SLCO1A2: variants seen among roughly 807,000 people sequenced by gnomAD.
SLCO1A2 encodes solute carrier organic anion transporter family member 1A2.
A neutral mutation model predicts 69.0 loss-of-function variants in SLCO1A2; 67 were observed. That is an observed-to-expected ratio of 0.97 (90% CI 0.80 to 1.19). The LOEUF (loss-of-function observed/expected upper bound fraction) is 1.19, where lower values mean the gene tolerates loss of function less well. SLCO1A2 is among the 50% of genes most tolerant of loss of function. SLCO1A2 has a pLI of 0.00. For synonymous variants in SLCO1A2, 260 were observed against 265.9 expected, an observed-to-expected ratio of 0.98 and a Z score of 0.22; for missense variants, 787 against 793.7, an observed-to-expected ratio of 0.99 and a Z score of 0.10.
At chr12:21,406,896 G>A (rs1437668778) in intron 1 of SLCO1A2, among the ~76,000 whole-genome samples, 2 of 152,118 alleles carry the variant, frequency 1.3e-5, no homozygotes, top group African/African-American at 4.8e-5. Context: ...TCAAAGCAGT[G>A]AAGAACCAAA....
intron 12 of SLCO1A2, among the ~76,000 whole-genome samples, chr12:21,290,007 C>CTG (rs1946583798): frequency 1.4e-5 from 2 of 145,108 alleles, no homozygotes; most frequent in Non-Finnish European, 3.0e-5. Context: ...TTGTTTTTCT[C>CTG]AGTGTGTGTG....
At chr12:21,341,666 T>C (rs1953072599) in intron 2 of SLCO1A2, among the ~76,000 whole-genome samples, 1 of 152,044 alleles carries the variant, frequency 6.6e-6, no homozygotes, top group African/African-American at 2.4e-5. Flanking sequence ...GAAATATTAG[T>C]TAGAGCTAGG....
intron 2 of SLCO1A2, among the ~76,000 whole-genome samples, chr12:21,361,131 C>A (rs184282184): frequency 6.6e-6 from 1 of 151,410 alleles, no homozygotes; most frequent in Admixed American, 6.6e-5. Context: ...TGGGAGGCAC[C>A]TCCCAGTAGG....
intron 1 of SLCO1A2, among the ~76,000 whole-genome samples, chr12:21,389,305 T>C (rs182563056): frequency 4.7e-4 from 72 of 152,346 alleles, no homozygotes; most frequent in African/African-American, 1.6e-3. Context: ...TATTACTGCC[T>C]ACACGTTTTT....
intron 12 of SLCO1A2, among the ~76,000 whole-genome samples, chr12:21,279,101 C>T (rs1362533295): frequency 6.6e-6 from 1 of 151,602 alleles, no homozygotes; most frequent in African/African-American, 2.4e-5. Flanking sequence ...CAGAATTTAT[C>T]AAGCAGAAGA....
intron 2 of SLCO1A2, chr12:21,319,264 C>T (rs1591838184): frequency 2.8e-6 from 3 of 1,090,342 alleles, no homozygotes; most frequent in Middle Eastern, 2.3e-4. Context: ...CAAAAGAATT[C>T]ATACATGTAC....
chr12:21,413,237 CTTTTTT>C (rs3983534), intron 1 of SLCO1A2, among the ~76,000 whole-genome samples: 104 of 99,470 alleles, frequency 1.0e-3, no homozygotes, highest in African/African-American at 3.7e-3. Context: ...TTTTCTTTTT[CTTTTTT>C]TTTTTTTTTT....
At chr12:21,358,668 C>T (rs946464079) in intron 2 of SLCO1A2, among the ~76,000 whole-genome samples, 1 of 151,476 alleles carries the variant, frequency 6.6e-6, no homozygotes, top group Non-Finnish European at 1.5e-5. Context: ...TAAAAATTAA[C>T]TTTGAAACAT....
chr12:21,299,776 A>ATATATATACACACG (rs1948339527), intron 8 of SLCO1A2, among the ~76,000 whole-genome samples: 1 of 111,030 alleles, frequency 9.0e-6, no homozygotes, highest in Admixed American at 8.2e-5. Flanking sequence ...GTGTGTATAT[A>ATATATATACACACG]TATATATATA....
intron 5 of SLCO1A2, among the ~76,000 whole-genome samples, chr12:21,304,921 A>C (rs1387277681): frequency 6.6e-6 from 1 of 152,198 alleles, no homozygotes. Flanking sequence ...AAAGAGATTC[A>C]GTTTCTCCAC....
intron 2 of SLCO1A2, among the ~76,000 whole-genome samples, chr12:21,327,197 TAAAGA>T (rs1952305630): frequency 1.3e-5 from 2 of 152,234 alleles, no homozygotes; most frequent in South Asian, 4.1e-4. Context: ...TGCATAAAAG[TAAAGA>T]ATTGAGGTTT....
chr12:21,387,297 G>A (rs1591907845), intron 1 of SLCO1A2, among the ~76,000 whole-genome samples: 2 of 152,292 alleles, frequency 1.3e-5, no homozygotes, highest in East Asian at 3.9e-4. Flanking sequence ...TAATCACCAA[G>A]ATGATGGAGA....
At chr12:21,270,981 C>A (rs1192717293) in intron 14 of SLCO1A2, among the ~76,000 whole-genome samples, 1 of 151,500 alleles carries the variant, frequency 6.6e-6, no homozygotes, top group Non-Finnish European at 1.5e-5. Flanking sequence ...CTATTTTTAT[C>A]TTTCTACTTC....
At position 21,392,740 on chromosome 12, in the gene SLCO1A2, G is replaced by C. The variant is rs570700624; in HGVS notation, c.-190+2166C>G. ...CAAGTTCCCTAGGTGGTCTAAAATA[G>C]GTTCTCCAAACCAAGGTATATGAAT... On this transcript the variant is annotated intron_variant, in intron 1 of 15. Transcript: ENST00000307378. Among the ~76,000 whole-genome samples the C allele has an allele frequency of 5.3e-5, 8 of 152,204 alleles. 1 individual carries two copies. The highest frequency in any genetic ancestry group is 3.9e-4 in the Admixed American group (6 of 15,272).
At chr12:21,309,015 T>C (rs1234688891) in intron 4 of SLCO1A2, among the ~76,000 whole-genome samples, 2 of 152,116 alleles carry the variant, frequency 1.3e-5, no homozygotes, top group Non-Finnish European at 2.9e-5. Flanking sequence ...TGGGAAGAGA[T>C]AATGCATTCT....
At chr12:21,314,458 T>A (rs976921246) in intron 4 of SLCO1A2, 91 bp downstream of exon 4, 1 of 1,387,742 alleles carries the variant, frequency 7.2e-7, no homozygotes, top group African/African-American at 1.4e-5. Context: ...CCCTATGCTG[T>A]TGGAAAGCAT....
chr12:21,322,268 A>G (rs1428239981), intron 2 of SLCO1A2, among the ~76,000 whole-genome samples: 1 of 149,724 alleles, frequency 6.7e-6, no homozygotes, highest in Non-Finnish European at 1.5e-5. Flanking sequence ...ACCCAAAAGT[A>G]TCTGAGACAG....
upstream of SLCO1A2, among the ~76,000 whole-genome samples, chr12:21,396,610 G>T (rs1274199234): frequency 6.6e-6 from 1 of 151,770 alleles, no homozygotes; most frequent in Admixed American, 6.6e-5. Context: ...AAATGTTAAG[G>T]GCAGCCAGAG....
At chr12:21,345,765 C>A (rs1440288008) in intron 2 of SLCO1A2, among the ~76,000 whole-genome samples, 1 of 152,004 alleles carries the variant, frequency 6.6e-6, no homozygotes, top group African/African-American at 2.4e-5. Flanking sequence ...AAGTGACAAA[C>A]TTGCCAAATT....
Sources: allele counts gnomAD v4.1 joint callset (sites outside exome capture counted in the v4.1 genomes callset), GRCh38; gene constraint gnomAD v4.1.1; transcripts MANE v1.5; gene names NCBI Gene and HGNC (gene_info 2026-07-23, HGNC 2026-07-21).